The following LAMA2 variants were observed in gnomAD, a reference collection of about 807,000 sequenced individuals.
LAMA2 encodes the protein laminin subunit alpha 2, also known as laminin subunit alpha-2.
LAMA2 carries 269 observed loss-of-function variants against 364.8 expected under a neutral mutation model. The observed-to-expected ratio is 0.74, with a 90% CI of 0.67 to 0.82. LAMA2 has a LOEUF of 0.82. Among genes scored for constraint, LAMA2 ranks in the 40% least tolerant of loss-of-function variants. The pLI, the probability that LAMA2 is intolerant of heterozygous loss-of-function variation, is 0.00. For missense variants in LAMA2, 3,807 were observed against 3,873.2 expected (o/e 0.98, Z 0.45); for synonymous variants, 1,379 against 1,370.6 (o/e 1.01, Z -0.14).
chr6:129,040,776 T>C (rs1787033086), intron 1 of LAMA2, among the ~76,000 whole-genome samples: 1 of 152,222 alleles, frequency 6.6e-6, no homozygotes, highest in African/African-American at 2.4e-5. Context: ...TGCAGAAGTG[T>C]TGTCACTGCT....
At chr6:129,340,990 G>T (rs1268417973) in intron 29 of LAMA2, among the ~76,000 whole-genome samples, 1 of 152,022 alleles carries the variant, frequency 6.6e-6, no homozygotes, top group Admixed American at 6.5e-5. Flanking sequence ...AAAAATAAAT[G>T]ATCTAAAATT....
chr6:128,948,620 T>C (rs1780624942), intron 1 of LAMA2, among the ~76,000 whole-genome samples: 2 of 152,304 alleles, frequency 1.3e-5, no homozygotes, highest in South Asian at 4.1e-4. Flanking sequence ...GTTGAAATGG[T>C]ATTCCCAGTA....
chr6:129,175,826 A>G (rs1780549567), intron 9 of LAMA2, among the ~76,000 whole-genome samples: 2 of 152,132 alleles, frequency 1.3e-5, no homozygotes, highest in Admixed American at 1.3e-4. Context: ...TGTATTCCAG[A>G]ACTTAAAGTA....
chr6:129,442,911 C>T (rs1583761629), intron 43 of LAMA2, 152 bp from the exon 44 acceptor site: 1 of 582,260 alleles, frequency 1.7e-6, no homozygotes, highest in East Asian at 2.9e-5. Context: ...TATTTGATAA[C>T]AATTGCTTCA....
chr6:129,146,626 A>C (rs935291965), intron 5 of LAMA2, among the ~76,000 whole-genome samples: 6 of 152,044 alleles, frequency 3.9e-5, no homozygotes, highest in African/African-American at 1.2e-4. Context: ...AACTATGTAA[A>C]ACAACTTTTA....
intron 40 of LAMA2, among the ~76,000 whole-genome samples, chr6:129,421,457 C>T (rs1781069084): frequency 6.6e-6 from 1 of 151,528 alleles, no homozygotes; most frequent in Non-Finnish European, 1.5e-5. Flanking sequence ...ATTTATATTT[C>T]ACATATGCTG....
intron 62 of LAMA2, among the ~76,000 whole-genome samples, chr6:129,509,485 A>G (rs1786390216): frequency 6.6e-6 from 1 of 152,070 alleles, no homozygotes; most frequent in Non-Finnish European, 1.5e-5. Flanking sequence ...TCATAGTTGG[A>G]TCTCTTAGAT....
At chr6:129,218,403 C>A (rs72973211) in intron 12 of LAMA2, among the ~76,000 whole-genome samples, 571 of 152,124 alleles carry the variant, frequency 3.8e-3, no homozygotes, top group Non-Finnish European at 6.2e-3. Flanking sequence ...GCTTGATATA[C>A]AATGAAACAT....
rs1178942891 is a variant in LAMA2 at position 128,957,018 on chromosome 6, G to GA, written c.112+73662dup. ...TCCATCCAGAAGATGATAATGTTTCGAGAGCAGCAGTTTCTCAGGACACTC... is the reference window on the plus strand; with the variant it reads ...TCCATCCAGAAGATGATAATGTTTCGAAGAGCAGCAGTTTCTCAGGACACTC... On this transcript the variant is annotated intron_variant, in intron 1 of 64. Transcript: ENST00000421865. Among the ~76,000 whole-genome samples, 4 of 152,164 alleles carry GA rather than the reference G, an allele frequency of 2.6e-5. No individual in the cohort carries two copies. In the East Asian group the frequency reaches 7.7e-4, roughly 29 times the overall value.
intron 1 of LAMA2, among the ~76,000 whole-genome samples, chr6:128,897,774 T>A (rs1195578721): frequency 6.6e-6 from 1 of 152,216 alleles, no homozygotes; most frequent in Non-Finnish European, 1.5e-5. Flanking sequence ...GTAGAGAATA[T>A]CATCCAGTTG....
At chr6:129,293,950 T>C (rs1199204900) in intron 20 of LAMA2, among the ~76,000 whole-genome samples, 2 of 152,220 alleles carry the variant, frequency 1.3e-5, no homozygotes, top group East Asian at 3.8e-4. Flanking sequence ...AATCTTTCTG[T>C]AATTCAGCTT....
At chr6:129,297,450 G>T (rs1476830925) in intron 20 of LAMA2, among the ~76,000 whole-genome samples, 1 of 152,146 alleles carries the variant, frequency 6.6e-6, no homozygotes, top group Non-Finnish European at 1.5e-5. Flanking sequence ...AGTAAAGGAA[G>T]CGCCTAATTC....
At chr6:129,114,699 C>T (rs895752968) in intron 4 of LAMA2, among the ~76,000 whole-genome samples, 1 of 151,894 alleles carries the variant, frequency 6.6e-6, no homozygotes, top group East Asian at 1.9e-4. Context: ...GTTTACGAGG[C>T]ATTGCTAAAA....
At chr6:129,378,220 A>T (rs1249985644) in intron 34 of LAMA2, among the ~76,000 whole-genome samples, 4 of 152,224 alleles carry the variant, frequency 2.6e-5, no homozygotes, top group African/African-American at 9.6e-5. Flanking sequence ...GTGAATAAGA[A>T]GAAGGATGAC....
At chr6:129,153,569 T>C (rs891076604) in intron 7 of LAMA2, among the ~76,000 whole-genome samples, 2 of 152,196 alleles carry the variant, frequency 1.3e-5, no homozygotes, top group African/African-American at 2.4e-5. Flanking sequence ...GCTTCAGAGG[T>C]TGGTTTCCAA....
At chr6:129,391,146 G>A (rs1240157178) in intron 35 of LAMA2, among the ~76,000 whole-genome samples, 7 of 152,090 alleles carry the variant, frequency 4.6e-5, no homozygotes, top group South Asian at 2.1e-4. Flanking sequence ...CAGAGCTTGC[G>A]TTTCCAGCCT....
In LAMA2 at chr6:129,403,971, A is replaced by G; in HGVS notation, c.5865+12A>G. ...AAGCTACAAAACTGGTAAGAAACAA[A>G]TGGCACATGTGCTGGGAATGGAAGT... On this transcript the variant is annotated intron_variant, in intron 40 of 64. Transcript: ENST00000421865. The G allele has an allele frequency of 6.2e-7, 1 of 1,613,732 alleles. No individual in the cohort carries two copies. Among genetic ancestry groups the G allele is most frequent in the Non-Finnish European group, 8.5e-7 (1 of 1,179,762 alleles).
chr6:129,188,159 T>C (rs1372486453), intron 10 of LAMA2, among the ~76,000 whole-genome samples: 1 of 151,910 alleles, frequency 6.6e-6, no homozygotes, highest in African/African-American at 2.4e-5. Context: ...GTATATCTTT[T>C]TACCCAACTA....
intron 12 of LAMA2, among the ~76,000 whole-genome samples, chr6:129,199,498 G>A (rs1277872377): frequency 6.6e-6 from 1 of 152,122 alleles, no homozygotes; most frequent in Non-Finnish European, 1.5e-5. Flanking sequence ...GGACAGTGCA[G>A]TAGATAGGAA....
Sources: allele counts gnomAD v4.1 joint callset (sites outside exome capture counted in the v4.1 genomes callset), GRCh38; gene constraint gnomAD v4.1.1; transcripts MANE v1.5; gene names NCBI Gene and HGNC (gene_info 2026-07-23, HGNC 2026-07-21).